RASSF5: variants seen among roughly 807,000 people sequenced by gnomAD.
The protein encoded by RASSF5 is ras association domain-containing protein 5.
Under a neutral mutation model 40.5 loss-of-function variants are expected in RASSF5, and 25 were observed. That is an observed-to-expected ratio of 0.62 (90% CI 0.45 to 0.86). RASSF5 has a LOEUF of 0.86. RASSF5 is among the 40% of genes least tolerant of loss of function. The pLI is 0.00. For missense variants in RASSF5, 521 were observed against 572.8 expected (o/e 0.91, Z 0.92); for synonymous variants, 246 against 252.4 (o/e 0.97, Z 0.24).
Position 206,507,938 on chromosome 1 carries a change from T to A in RASSF5, c.336T>A (p.Asp112Glu), listed in dbSNP as rs1163205275. Reference sequence around the variant, plus strand: ...GGAGCATCTTCGAGCAGCCGCAGGATCCCAGAGTCCCGGCGGAGCGAGGCG... The same window carrying A: ...GGAGCATCTTCGAGCAGCCGCAGGAACCCAGAGTCCCGGCGGAGCGAGGCG... ...DVRSIFEQPQ[D>E]PRVPAERGEG... The change falls in exon 1 of 6, where the codon GAT (aspartate) becomes GAA (glutamate). Residue 112 changes from aspartate (D) to glutamate (E), a missense_variant. Asp to Glu is a conservative substitution (Grantham distance 45). Transcript: ENST00000579436. The A allele has an allele frequency of 3.9e-6, 6 of 1,523,234 alleles. No individual in the cohort carries two copies. In the African/African-American group the frequency reaches 7.1e-5, roughly 18 times the overall value. 94.4% of individuals were successfully genotyped at this position (1,523,234 alleles called of 1,614,324 possible). A position where few individuals can be genotyped will look rare whatever the true frequency, so the allele number is the denominator to read the frequency against.
At chr1:206,519,629 AT>A (rs1666853595) in intron 1 of RASSF5, among the ~76,000 whole-genome samples, 2 of 152,064 alleles carry the variant, frequency 1.3e-5, no homozygotes, top group South Asian at 4.1e-4. Flanking sequence ...ATTTTTCTCT[AT>A]ACTTCTCTCA....
chr1:206,527,223 A>T (rs868969509), intron 1 of RASSF5, among the ~76,000 whole-genome samples: 9 of 152,142 alleles, frequency 5.9e-5, no homozygotes, highest in African/African-American at 2.2e-4. Context: ...AAGGGATCAC[A>T]CCATCTGGGT....
chr1:206,516,602 G>A (rs1223641890), intron 1 of RASSF5, among the ~76,000 whole-genome samples: 2 of 152,110 alleles, frequency 1.3e-5, no homozygotes, highest in Non-Finnish European at 2.9e-5. Context: ...GACTACAGGT[G>A]CGTGCCACCA....
intron 1 of RASSF5, among the ~76,000 whole-genome samples, chr1:206,516,493 G>T (rs1666748579): frequency 6.6e-6 from 1 of 151,806 alleles, no homozygotes; most frequent in Non-Finnish European, 1.5e-5. Context: ...GTCTCGTTCT[G>T]TCGCCCAGAC....
chr1:206,530,375 C>T (rs1667206376), intron 1 of RASSF5, among the ~76,000 whole-genome samples: 1 of 152,030 alleles, frequency 6.6e-6, no homozygotes, highest in Non-Finnish European at 1.5e-5. Flanking sequence ...CATAGTATTC[C>T]ATTTCAAAAT....
At chr1:206,572,640 C>G (rs1424658442) in intron 2 of RASSF5, 1 of 152,236 alleles carries the variant, frequency 6.6e-6, no homozygotes, top group Non-Finnish European at 1.5e-5. Context: ...CCATGAGGCA[C>G]AGCAGGCATC....
chr1:206,512,126 GA>G (rs1236622066), intron 1 of RASSF5, among the ~76,000 whole-genome samples: 1 of 152,124 alleles, frequency 6.6e-6, no homozygotes, highest in African/African-American at 2.4e-5. Flanking sequence ...ATGAAGCACA[GA>G]AATGGAAATT....
chr1:206,541,850 C>T (rs900673063), intron 2 of RASSF5: 1 of 152,154 alleles, frequency 6.6e-6, no homozygotes, highest in Non-Finnish European at 1.5e-5. Context: ...GCTCCTGGTG[C>T]CCTCACGATG....
At chr1:206,546,669 A>G (rs1667703169) in intron 2 of RASSF5, among the ~76,000 whole-genome samples, 1 of 152,208 alleles carries the variant, frequency 6.6e-6, no homozygotes, top group African/African-American at 2.4e-5. Flanking sequence ...AAATGCATTT[A>G]ATACACCTAA....
intron 4 of RASSF5, 98 bp from the exon 5 acceptor site, chr1:206,585,082 T>C: frequency 1.2e-6 from 1 of 825,080 alleles, no homozygotes; most frequent in Non-Finnish European, 2.0e-6. Context: ...CTTCCAGTTG[T>C]ACGTACCCCA....
intron 2 of RASSF5, among the ~76,000 whole-genome samples, chr1:206,561,696 G>A (rs1239383992): frequency 1.3e-5 from 1 of 76,088 alleles, no homozygotes; most frequent in African/African-American, 5.6e-5. Context: ...ATGGAGTTTT[G>A]CTCTTGTTGC....
intron 2 of RASSF5, among the ~76,000 whole-genome samples, chr1:206,549,148 G>A (rs1285195047): frequency 6.6e-6 from 1 of 151,924 alleles, no homozygotes; most frequent in Admixed American, 6.6e-5. Context: ...TTACAGGTGT[G>A]AGCCACCATG....
At chr1:206,528,922 A>G in intron 1 of RASSF5, 1 of 598,490 alleles carries the variant, frequency 1.7e-6, no homozygotes, top group South Asian at 2.2e-5. Context: ...AAGATGCTGA[A>G]AGGAAAGAAG....
chr1:206,510,145 A>T (rs1553394437), intron 1 of RASSF5, among the ~76,000 whole-genome samples: 1 of 152,242 alleles, frequency 6.6e-6, no homozygotes. Flanking sequence ...AGGTGGAGAC[A>T]CAGCAGGCCA....
rs1411616018 is a variant in RASSF5, at chr1:206,531,044, G to A, written c.458-7128G>A. Reference sequence around the variant, plus strand: ...ACACCTAGTATGTAGCAAGTGTTGTGTTGTTATTTACATAACATTCTCATT... The same window carrying A: ...ACACCTAGTATGTAGCAAGTGTTGTATTGTTATTTACATAACATTCTCATT... On this transcript the variant is annotated intron_variant, in intron 1 of 5. Coordinates refer to ENST00000579436, the MANE Select transcript of RASSF5 (RefSeq NM_182663.4). This position sits in a 1 kb window ranked among gnomAD's most constrained non-coding sequence, Gnocchi z 4.7. 1.3e-5 allele frequency among the ~76,000 whole-genome samples: 2 copies of A among 152,216 alleles called. No individual in the cohort carries two copies. Among genetic ancestry groups the A allele is most frequent in the Non-Finnish European group, 2.9e-5 (2 of 68,036 alleles).
chr1:206,562,835 T>C (rs1553402868), intron 2 of RASSF5, among the ~76,000 whole-genome samples: 2 of 151,756 alleles, frequency 1.3e-5, no homozygotes. Flanking sequence ...GGCAGGAGAA[T>C]GGTGTGAACC....
intron 2 of RASSF5, chr1:206,581,049 T>A (rs1422279619): frequency 1.3e-5 from 2 of 152,164 alleles, no homozygotes; most frequent in African/African-American, 2.4e-5. Context: ...GGTGGCTACA[T>A]GGTGAATTGA....
At position 206,535,424 on chromosome 1, in the gene RASSF5, T is replaced by A. The variant is rs1418078427; in HGVS notation, c.458-2748T>A. On this transcript the variant is annotated intron_variant, in intron 1 of 5. Transcript: ENST00000579436. This position sits in a 1 kb window ranked among gnomAD's most constrained non-coding sequence, Gnocchi z 5.0. ...CCCCAATCCCTGAAAATGTCAGGCC[T>A]GCAGGCTGTTGCTTTTGGGTTTGGA... Among the ~76,000 whole-genome samples, 3 of 152,170 alleles carry A rather than the reference T, an allele frequency of 2.0e-5. No homozygotes were observed. The highest frequency in any genetic ancestry group is 7.2e-5 in the African/African-American group (3 of 41,434).
chr1:206,509,397 G>A (rs891369474), intron 1 of RASSF5, among the ~76,000 whole-genome samples: 2 of 152,244 alleles, frequency 1.3e-5, no homozygotes, highest in African/African-American at 4.8e-5. Flanking sequence ...AGAACCCCCA[G>A]TTCAGGTGCT....
Sources: gnomAD v4.1 joint callset for allele counts (sites outside exome capture counted in the v4.1 genomes callset) on GRCh38, gnomAD v4.1.1 for gene constraint, Gnocchi (gnomAD v3.1) non-coding constraint, MANE v1.5 for transcripts, NCBI Gene and HGNC (gene_info 2026-07-23, HGNC 2026-07-21) for gene names.